FHIT: variants seen among roughly 807,000 people sequenced by gnomAD.
FHIT encodes fragile histidine triad diadenosine triphosphatase.
FHIT carries 19 observed loss-of-function variants against 17.9 expected under a neutral mutation model. The ratio of observed to expected loss-of-function variants is 1.06; its 90% CI spans 0.74 to 1.56. FHIT has a LOEUF of 1.56. Ranked by LOEUF, FHIT falls within the 40% of genes most tolerant of loss-of-function variation. The pLI, the probability that FHIT is intolerant of heterozygous loss-of-function variation, is 0.00. For synonymous variants in FHIT, 81 were observed against 69.7 expected, an observed-to-expected ratio of 1.16 and a Z score of -0.81; for missense variants, 248 against 189.2, an observed-to-expected ratio of 1.31 and a Z score of -1.82.
chr3:61,127,763 A>G (rs998799654), intron 2 of FHIT, among the ~76,000 whole-genome samples: 12 of 152,024 alleles, frequency 7.9e-5, no homozygotes, highest in Non-Finnish European at 1.6e-4. Context: ...CCAGATACTC[A>G]GGAGGCTGAG....
At chr3:59,750,384 T>C (rs1700827990) in intron 9 of FHIT, 1 of 224,138 alleles carries the variant, frequency 4.5e-6, no homozygotes, top group Non-Finnish European at 8.9e-6. Flanking sequence ...TGTCACCCCA[T>C]TTAAATTTGA....
At chr3:61,240,249 G>T (rs2040341825) in intron 1 of FHIT, among the ~76,000 whole-genome samples, 1 of 152,164 alleles carries the variant, frequency 6.6e-6, no homozygotes, top group Admixed American at 6.5e-5. Flanking sequence ...TACCTGTTTT[G>T]CTGTATCCCT....
chr3:60,000,336 A>G (rs1699679887), intron 7 of FHIT, among the ~76,000 whole-genome samples: 1 of 152,218 alleles, frequency 6.6e-6, no homozygotes, highest in Non-Finnish European at 1.5e-5. Context: ...ATCTGCTTTT[A>G]CAAATAAAGT....
intron 5 of FHIT, among the ~76,000 whole-genome samples, chr3:60,315,787 C>T (rs907334945): frequency 6.6e-6 from 1 of 152,204 alleles, no homozygotes; most frequent in African/African-American, 2.4e-5. Flanking sequence ...GACAAATGCA[C>T]TCATTTCTCT....
chr3:60,895,466 C>A (rs1217266175), intron 3 of FHIT, among the ~76,000 whole-genome samples: 3 of 152,096 alleles, frequency 2.0e-5, no homozygotes, highest in East Asian at 1.9e-4. Context: ...TGTGTAAACA[C>A]CCTGCTAATC....
At chr3:61,097,932 G>A (rs1165850704) in intron 2 of FHIT, among the ~76,000 whole-genome samples, 1 of 152,068 alleles carries the variant, frequency 6.6e-6, no homozygotes, top group Non-Finnish European at 1.5e-5. Flanking sequence ...TTCCTTTACT[G>A]TGCAGAAGCT....
rs35105245 is a variant in FHIT, at chr3:60,895,819, A to ATT, written c.-110-73810_-110-73809dup. ...TCCTGTGTCATTCAGACAGGTCCTCATTTTTTTTTTAATCAGTTTTTATTT... is the reference window on the plus strand; with the variant it reads ...TCCTGTGTCATTCAGACAGGTCCTCATTTTTTTTTTTTAATCAGTTTTTATTT... On this transcript the variant is annotated intron_variant, in intron 3 of 9. Transcript: ENST00000492590. 3.8e-4 allele frequency among the ~76,000 whole-genome samples: 52 copies of ATT among 137,648 alleles called. 1 individual carries two copies. Among genetic ancestry groups the ATT allele is most frequent in the East Asian group, 1.9e-3 (9 of 4,850 alleles). The allele number at this position is 137,648 out of a possible 152,430, so 90.3% of individuals were successfully genotyped here. A position where few individuals can be genotyped will look rare whatever the true frequency, so the allele number is the denominator to read the frequency against.
chr3:61,091,174 G>C (rs1384606065), intron 2 of FHIT, among the ~76,000 whole-genome samples: 3 of 152,124 alleles, frequency 2.0e-5, no homozygotes, highest in Non-Finnish European at 2.9e-5. Flanking sequence ...GGAACACATG[G>C]AAGAGAAATG....
intron 7 of FHIT, among the ~76,000 whole-genome samples, chr3:59,989,120 AT>A: frequency 6.6e-6 from 1 of 152,036 alleles, no homozygotes; most frequent in African/African-American, 2.4e-5. Flanking sequence ...ATTGGAAAAA[AT>A]AGATGAACAG....
chr3:60,284,509 G>A (rs1419895872), intron 5 of FHIT, among the ~76,000 whole-genome samples: 1 of 151,998 alleles, frequency 6.6e-6, no homozygotes, highest in East Asian at 1.9e-4. Context: ...TTTACCATGA[G>A]TTTTCACTAT....
chr3:60,733,830 C>T (rs1326024073), intron 4 of FHIT, among the ~76,000 whole-genome samples: 3 of 152,150 alleles, frequency 2.0e-5, no homozygotes, highest in African/African-American at 7.2e-5. Flanking sequence ...ACCCAGCAGA[C>T]AGTACATGTA....
At chr3:60,830,174 C>A (rs1439832870) in intron 3 of FHIT, among the ~76,000 whole-genome samples, 1 of 152,110 alleles carries the variant, frequency 6.6e-6, no homozygotes, top group Admixed American at 6.5e-5. Context: ...CTCTGGGTAT[C>A]TTCCACGTGT....
At chr3:60,709,374 C>A (rs1309302300) in intron 4 of FHIT, among the ~76,000 whole-genome samples, 1 of 152,068 alleles carries the variant, frequency 6.6e-6, no homozygotes, top group Non-Finnish European at 1.5e-5. Context: ...CCAAGAAAAT[C>A]TAGAAGGAAT....
intron 5 of FHIT, among the ~76,000 whole-genome samples, chr3:60,094,079 A>T (rs888706743): frequency 3.3e-5 from 5 of 151,684 alleles, no homozygotes; most frequent in Admixed American, 6.6e-5. Context: ...ACCAAAATTT[A>T]AAAAAAAATA....
intron 3 of FHIT, among the ~76,000 whole-genome samples, chr3:60,975,023 T>C (rs1490413716): frequency 1.3e-5 from 2 of 152,190 alleles, no homozygotes; most frequent in Non-Finnish European, 2.9e-5. Context: ...GCTTAAGTTA[T>C]GGTTACTGAT....
intron 7 of FHIT, among the ~76,000 whole-genome samples, chr3:59,937,799 T>C (rs1320208229): frequency 2.6e-5 from 4 of 152,192 alleles, no homozygotes; most frequent in Admixed American, 6.6e-5. Context: ...AAATAGAATT[T>C]AGTGTAATCC....
At chr3:60,849,497 A>G (rs1234696246) in intron 3 of FHIT, among the ~76,000 whole-genome samples, 1 of 149,220 alleles carries the variant, frequency 6.7e-6, no homozygotes, top group Non-Finnish European at 1.5e-5. Flanking sequence ...AAAGCCAAAT[A>G]TCTAAATGAA....
At chr3:59,779,363 C>T (rs978990939) in intron 8 of FHIT, among the ~76,000 whole-genome samples, 3 of 152,098 alleles carry the variant, frequency 2.0e-5, no homozygotes, top group South Asian at 2.1e-4. Flanking sequence ...CAAACCTTAA[C>T]GTACATAAGC....
chr3:60,162,014 A>G (rs1042907792), intron 5 of FHIT, among the ~76,000 whole-genome samples: 1 of 152,188 alleles, frequency 6.6e-6, no homozygotes, highest in African/African-American at 2.4e-5. Context: ...TCAACAGCAA[A>G]GCCACAGTAC....
Sources: gnomAD v4.1 joint callset for allele counts (sites outside exome capture counted in the v4.1 genomes callset) on GRCh38, gnomAD v4.1.1 for gene constraint, MANE v1.5 for transcripts, NCBI Gene and HGNC (gene_info 2026-07-23, HGNC 2026-07-21) for gene names.